Variants in EIF3H observed in about 807,000 individuals in gnomAD.
The protein encoded by EIF3H is eukaryotic translation initiation factor 3 subunit H, also known as eIF-3-gamma.
In EIF3H, 26 loss-of-function variants were observed where a neutral mutation model predicts 44.2. The ratio of observed to expected loss-of-function variants is 0.59; its 90% CI spans 0.43 to 0.82. The LOEUF is 0.82. EIF3H is among the 40% of genes least tolerant of loss of function. The pLI, the probability that EIF3H is intolerant of heterozygous loss-of-function variation, is 0.00. For missense variants in EIF3H, 359 were observed against 432.8 expected (o/e 0.83, Z 1.51); for synonymous variants, 166 against 151.9 (o/e 1.09, Z -0.68).
upstream of EIF3H, among the ~76,000 whole-genome samples, chr8:116,759,701 G>A (rs1377504744): frequency 1.3e-5 from 2 of 152,114 alleles, no homozygotes; most frequent in Non-Finnish European, 2.9e-5. Context: ...TGTGGGGTGT[G>A]TTTGTGTATG....
At chr8:116,665,107 G>A (rs908649878) in intron 2 of EIF3H, among the ~76,000 whole-genome samples, 7 of 152,154 alleles carry the variant, frequency 4.6e-5, no homozygotes, top group Non-Finnish European at 1.0e-4. Context: ...CACCCATTTT[G>A]AGAGCCTCAT....
upstream of EIF3H, among the ~76,000 whole-genome samples, chr8:116,759,646 C>T (rs770941317): frequency 6.6e-5 from 10 of 152,124 alleles, no homozygotes; most frequent in Non-Finnish European, 5.9e-5. Flanking sequence ...GTATACATTT[C>T]GGGGTTCACC....
At position 116,713,562 on chromosome 8, in the gene EIF3H, A is replaced by T. The variant is rs60500281; in HGVS notation, c.289+12454T>A. Among the ~76,000 whole-genome samples the T allele has an allele frequency of 7.5e-3, 1,136 of 152,280 alleles. 19 individuals carry two copies. Among genetic ancestry groups the T allele is most frequent in the African/African-American group, 0.026 (1,094 of 41,584 alleles). Reference sequence around the variant, plus strand: ...TTGTATTTAAAATCTTGAGACACTCAAACTGAAAGAACCAAAAAGCCATGA... The same window carrying T: ...TTGTATTTAAAATCTTGAGACACTCTAACTGAAAGAACCAAAAAGCCATGA... On this transcript the variant is annotated intron_variant, in intron 2 of 7. Transcript: ENST00000521861.
intron 2 of EIF3H, among the ~76,000 whole-genome samples, chr8:116,716,979 C>T (rs1165009667): frequency 6.6e-6 from 1 of 152,034 alleles, no homozygotes; most frequent in Non-Finnish European, 1.5e-5. Flanking sequence ...AAAAGATCTT[C>T]CTCTGAATAA....
At chr8:116,759,793 G>C (rs377253001), upstream of EIF3H, among the ~76,000 whole-genome samples, 1 of 151,964 alleles carries the variant, frequency 6.6e-6, no homozygotes, top group Non-Finnish European at 1.5e-5. Flanking sequence ...GTAATGGCAC[G>C]ATCTCAGCTC....
At chr8:116,743,308 C>G (rs1815161034) in intron 1 of EIF3H, among the ~76,000 whole-genome samples, 1 of 151,476 alleles carries the variant, frequency 6.6e-6, no homozygotes, top group Non-Finnish European at 1.5e-5. Context: ...AAAAAATTAG[C>G]CAGGCAAGGT....
intron 2 of EIF3H, among the ~76,000 whole-genome samples, chr8:116,678,072 C>T (rs1813879659): frequency 6.6e-6 from 1 of 151,834 alleles, no homozygotes; most frequent in African/African-American, 2.4e-5. Flanking sequence ...GCCATCTCGG[C>T]TCACTGCAAC....
intron 1 of EIF3H, among the ~76,000 whole-genome samples, chr8:116,740,354 GAGAA>G (rs1035166372): frequency 6.6e-6 from 1 of 152,184 alleles, no homozygotes; most frequent in African/African-American, 2.4e-5. Flanking sequence ...GGCAGTAGTT[GAGAA>G]GAGCAAGAAA....
intron 1 of EIF3H, among the ~76,000 whole-genome samples, chr8:116,739,446 C>A (rs183748323): frequency 3.9e-5 from 6 of 152,252 alleles, no homozygotes; most frequent in East Asian, 1.9e-4. Flanking sequence ...GTCAGGAGAT[C>A]GAGACCATCC....
chr8:116,681,666 CAAAAAAAA>C (rs1176033381), intron 2 of EIF3H, among the ~76,000 whole-genome samples: 8 of 90,766 alleles, frequency 8.8e-5, no homozygotes, highest in Non-Finnish European at 1.7e-4. Flanking sequence ...AACTCCATCT[CAAAAAAAA>C]AAAAAAAAAA....
intron 2 of EIF3H, among the ~76,000 whole-genome samples, chr8:116,668,066 G>C (rs937654560): frequency 6.6e-5 from 10 of 152,080 alleles, no homozygotes; most frequent in African/African-American, 2.2e-4. Context: ...TTCTCCCTCA[G>C]TTAAGAGGAT....
chr8:116,711,520 C>T (rs1204946058), intron 2 of EIF3H, among the ~76,000 whole-genome samples: 1 of 151,966 alleles, frequency 6.6e-6, no homozygotes, highest in Non-Finnish European at 1.5e-5. Context: ...AAACTGAGTA[C>T]ATTTAAAGTA....
chr8:116,657,204 C>CG lies in EIF3H; in HGVS notation c.557+10_557+11insC. On this transcript the variant is annotated intron_variant, in intron 4 of 7. Coordinates refer to ENST00000521861, the MANE Select transcript of EIF3H (RefSeq NM_003756.3). ...TACCCAACCCTTTACCAGATGCCCC[C>CG]AAACACTTACGCTTCAGGGGAAAAA... 1 of 1,604,866 alleles carries CG rather than the reference C, an allele frequency of 6.2e-7. No homozygotes were observed.
chr8:116,654,907 CT>C (rs11403704), intron 5 of EIF3H, among the ~76,000 whole-genome samples: 1,615 of 148,600 alleles, frequency 0.011, 22 homozygotes, highest in African/African-American at 0.035. Context: ...AGTCTGTACA[CT>C]TTTTTTTTTT....
At chr8:116,687,786 C>G (rs1814101201) in intron 2 of EIF3H, among the ~76,000 whole-genome samples, 1 of 152,080 alleles carries the variant, frequency 6.6e-6, no homozygotes, top group African/African-American at 2.4e-5. Context: ...TTTAAAGATA[C>G]TTAGAAACAG....
intron 2 of EIF3H, among the ~76,000 whole-genome samples, chr8:116,679,046 T>C (rs370653055): frequency 0.17 from 7,858 of 46,116 alleles, 1,238 homozygotes; most frequent in Admixed American, 0.27. Context: ...GAGGGGCGCC[T>C]CTGCCCGGCC....
At chr8:116,686,109 A>G (rs375809580) in intron 2 of EIF3H, among the ~76,000 whole-genome samples, 4 of 152,168 alleles carry the variant, frequency 2.6e-5, no homozygotes, top group South Asian at 4.1e-4. Context: ...AACTAATCCT[A>G]TTATTAAACA....
At chr8:116,697,014 G>A (rs866416065) in intron 2 of EIF3H, 1 of 448,368 alleles carries the variant, frequency 2.2e-6, no homozygotes, top group African/African-American at 2.0e-5. Flanking sequence ...TTAGGGCACA[G>A]AGATAACAGT....
chr8:116,763,658 TA>T (rs922432103), intron 1 of EIF3H, among the ~76,000 whole-genome samples: 1 of 152,212 alleles, frequency 6.6e-6, no homozygotes, highest in African/African-American at 2.4e-5. Context: ...TTTATTTAGC[TA>T]AATTATTTAT....
Sources: allele counts gnomAD v4.1 joint callset (sites outside exome capture counted in the v4.1 genomes callset), GRCh38; gene constraint gnomAD v4.1.1; transcripts MANE v1.5; gene names NCBI Gene and HGNC (gene_info 2026-07-23, HGNC 2026-07-21).